Variants in ERAP1 observed in about 807,000 individuals in gnomAD.
ERAP1 encodes adipocyte-derived leucine aminopeptidase.
Under a neutral mutation model 103.7 loss-of-function variants are expected in ERAP1, and 86 were observed. The observed-to-expected ratio is 0.83, with a 90% confidence interval of 0.70 to 0.99. The LOEUF is 0.99. Ranked by LOEUF, ERAP1 falls within the 50% of genes least tolerant of loss-of-function variation. ERAP1 has a pLI of 0.00. For synonymous variants in ERAP1, 398 were observed against 402.4 expected (o/e 0.99, Z 0.13); for missense variants, 1,009 against 1,128.4 (o/e 0.89, Z 1.52).
At chr5:96,835,749 G>A in the ERAP1 span, among the ~76,000 whole-genome samples, 107 of 152,214 alleles carry the variant, frequency 7.0e-4, 1 homozygote, top group African/African-American at 2.3e-3. Flanking sequence ...CTCACAAGTC[G>A]GAAAGGCCCA....
the ERAP1 span, chr5:96,884,075 TATC>T: frequency 1.7e-6 from 1 of 601,470 alleles, no homozygotes; most frequent in African/African-American, 2.0e-5. Context: ...TCTATCTATC[TATC>T]TATCATCATA....
chr5:96,780,407 G>T lies in ERAP1; in HGVS notation c.2670+16C>A, dbSNP rs550951893. On this transcript the variant is annotated intron_variant, in intron 18 of 18. Coordinates refer to ENST00000443439, the MANE Select transcript of ERAP1 (RefSeq NM_001040458.3). The stretch of plus-strand genomic sequence containing the variant: ...ATTTATGTTTAAAAATATATATATA[G>T]ATTTTTTTTTTTTACCTCTTCAAGC... 2.4e-5 allele frequency: 33 copies of T among 1,391,894 alleles called. No homozygotes were observed. In the African/African-American group the frequency reaches 4.3e-4, roughly 18 times the overall value. The allele number at this position is 1,391,894 out of a possible 1,614,324, so 86.2% of individuals were successfully genotyped here.
At chr5:96,846,651 G>A in the ERAP1 span, among the ~76,000 whole-genome samples, 1 of 152,090 alleles carries the variant, frequency 6.6e-6, no homozygotes, top group Non-Finnish European at 1.5e-5. Context: ...TGTTGCTGCT[G>A]GTCTGGGGAT....
chr5:96,933,211 CTTTT>C, the ERAP1 span, among the ~76,000 whole-genome samples: 23 of 72,798 alleles, frequency 3.2e-4, no homozygotes, highest in African/African-American at 1.3e-3. Flanking sequence ...AAAACCACGT[CTTTT>C]TTTTTTTTTT....
chr5:96,848,198 A>G, the ERAP1 span, among the ~76,000 whole-genome samples: 2 of 152,088 alleles, frequency 1.3e-5, no homozygotes, highest in South Asian at 2.1e-4. Flanking sequence ...ACAGGTGTGC[A>G]CTACCACACC....
the ERAP1 span, among the ~76,000 whole-genome samples, chr5:96,847,749 G>A: frequency 6.6e-6 from 1 of 152,094 alleles, no homozygotes. Flanking sequence ...AATTAAAAGG[G>A]AAATGAAAAG....
Position 96,786,503 on chromosome 5 carries a change from T to C in ERAP1, c.1726A>G (p.Met576Val). 2 of 1,613,084 alleles carry C rather than the reference T, an allele frequency of 1.2e-6. No individual in the cohort carries two copies. The highest frequency in any genetic ancestry group is 1.7e-6 in the Non-Finnish European group (2 of 1,179,360). ...PLTFITSKSDMVHRFLLKTKT... is the reference protein window; with the variant it reads ...PLTFITSKSDVVHRFLLKTKT... ...GTTTTTAGCAAAAATCGATGGACCA[T>C]GTCGGATTTGCTGGTGATGAATGTC... is the stretch of plus-strand genomic sequence containing the variant. Residue 576 changes from methionine (M) to valine (V), a missense_variant, in exon 12 of 19, where the codon ATG (methionine) becomes GTG (valine). Met to Val is a conservative substitution (Grantham distance 21). Transcript: ENST00000443439.
rs1774192881 is a variant in ERAP1, at chr5:96,775,926, G to A, written c.*470C>T. ...CCCCTGGGCATGGAGCAAGGAAGAG[G>A]GATGGGCAGCGGGTCTGGAGGGGTG... On this transcript the variant is annotated 3_prime_UTR_variant, in exon 19 of 19. Transcript: ENST00000443439. 1.4e-5 allele frequency: 14 copies of A among 1,017,720 alleles called. No homozygotes were observed. Among genetic ancestry groups the A allele is most frequent in the Non-Finnish European group, 1.5e-5 (13 of 846,600 alleles). 63.0% of individuals were successfully genotyped at this position (1,017,720 alleles called of 1,614,324 possible). A position where few individuals can be genotyped will look rare whatever the true frequency, so the allele number is the denominator to read the frequency against.
intron 19 of ERAP1, chr5:96,769,387 T>C (rs189377092): frequency 3.8e-5 from 5 of 133,060 alleles, no homozygotes; most frequent in African/African-American, 1.0e-4. Flanking sequence ...GAAAACAGGG[T>C]TTTTTTTTGT....
At chr5:96,762,370 TCGGTAAG>T in exon 20 of ERAP1, 1 of 1,588,002 alleles carries the variant, frequency 6.3e-7, no homozygotes, top group Non-Finnish European at 8.5e-7. Context: ...CCGTGATACC[TCGGTAAG>T]CAGCACATCT....
the ERAP1 span, chr5:96,886,862 G>A: frequency 1.6e-6 from 2 of 1,250,338 alleles, no homozygotes; most frequent in Non-Finnish European, 1.0e-6. Context: ...GTTTTCTCAT[G>A]TTTTTCATTG....
At chr5:96,856,466 A>G in the ERAP1 span, among the ~76,000 whole-genome samples, 1 of 150,192 alleles carries the variant, frequency 6.7e-6, no homozygotes, top group African/African-American at 2.4e-5. Context: ...GTTTTAGTAC[A>G]ATGCTGTTTG....
chr5:96,881,261 G>A, the ERAP1 span: 1 of 376,410 alleles, frequency 2.7e-6, no homozygotes, highest in Non-Finnish European at 5.3e-6. Context: ...TAATCAATTG[G>A]GAGGTCATTG....
the ERAP1 span, chr5:96,909,665 C>T: frequency 1.1e-4 from 174 of 1,614,050 alleles, no homozygotes; most frequent in Non-Finnish European, 1.4e-4. Context: ...ATGCTCCGCT[C>T]GGCTCTCTTG....
At chr5:96,835,603 C>A in the ERAP1 span, among the ~76,000 whole-genome samples, 1 of 152,064 alleles carries the variant, frequency 6.6e-6, no homozygotes, top group East Asian at 1.9e-4. Flanking sequence ...ATTAATAATA[C>A]CTCTATGTGT....
the ERAP1 span, among the ~76,000 whole-genome samples, chr5:96,874,697 G>A: frequency 6.6e-6 from 1 of 152,176 alleles, no homozygotes; most frequent in Non-Finnish European, 1.5e-5. Flanking sequence ...TTATCGACTT[G>A]TTCTTTCAGG....
chr5:96,887,117 ACACAC>A, the ERAP1 span, among the ~76,000 whole-genome samples: 2 of 149,614 alleles, frequency 1.3e-5, no homozygotes, highest in Non-Finnish European at 3.0e-5. Flanking sequence ...ACACACACAC[ACACAC>A]ACACATACAT....
Position 96,803,518 on chromosome 5 carries a change from C to G in ERAP1, c.409G>C (p.Glu137Gln). 1.2e-6 allele frequency: 2 copies of G among 1,613,352 alleles called. No homozygotes were observed. Among genetic ancestry groups the G allele is most frequent in the South Asian group, 2.2e-5 (2 of 91,070 alleles). ...RQEQIALLAP[E>Q]PLLVGLPYTV... Reference sequence around the variant, plus strand: ...TACGGGAGCCCGACAAGGAGGGGCTCGGGAGCCAGCAGTGCAATTTGCTCC... The same window carrying G: ...TACGGGAGCCCGACAAGGAGGGGCTGGGGAGCCAGCAGTGCAATTTGCTCC... Residue 137 changes from glutamate to glutamine, a missense_variant, in exon 2 of 19, where the codon GAG becomes CAG. Around this residue, in one of 3 missense-constraint regions of ERAP1, gnomAD observed 392 missense variants for 455.2 expected, o/e 0.86. Transcript: ENST00000443439.
chr5:96,932,208 C>T, the ERAP1 span, among the ~76,000 whole-genome samples: 4 of 152,318 alleles, frequency 2.6e-5, no homozygotes, highest in South Asian at 4.1e-4. Flanking sequence ...TTGACTCCTT[C>T]GGTCCTTAGG....
Sources: gnomAD v4.1 joint callset for allele counts (sites outside exome capture counted in the v4.1 genomes callset) on GRCh38, gnomAD v4.1.1 for gene constraint, gnomAD v4.1.1 regional missense constraint, MANE v1.5 for transcripts, NCBI Gene and HGNC (gene_info 2026-07-23, HGNC 2026-07-21) for gene names.